The following ETS1 variants were observed in gnomAD, a reference collection of about 807,000 sequenced individuals.
The protein encoded by ETS1 is ETS proto-oncogene 1, transcription factor.
In ETS1, 15 loss-of-function variants were observed where a neutral mutation model predicts 58.6. The observed-to-expected ratio is 0.26, with a 90% confidence interval of 0.17 to 0.39. The LOEUF (loss-of-function observed/expected upper bound fraction) is 0.39. ETS1 is among the 10% of genes least tolerant of loss of function. The pLI is 1.00. For synonymous variants in ETS1, 214 were observed against 218.2 expected (o/e 0.98, Z 0.17); for missense variants, 417 against 610.5 (o/e 0.68, Z 3.34).
rs1864944463 is a variant in ETS1 at position 128,584,938 on chromosome 11, A to AAAAGAAAGAGAAAG, written c.-15+2549_-15+2550insCTTTCTCTTTCTTT. On this transcript the variant is annotated intron_variant, in intron 1 of 9. Transcript: ENST00000392668. ...AGAAAGAAAGAGGAAGAAAAAAGAG[A>AAAAGAAAGAGAAAG]AAAGAAAGAAAGAAAGAAAGAAAGA... Among the ~76,000 whole-genome samples the AAAAGAAAGAGAAAG allele has an allele frequency of 4.8e-5, 3 of 62,598 alleles. 1 individual carries two copies. In the South Asian group the frequency reaches 1.9e-3, roughly 40 times the overall value. 41.1% of individuals were successfully genotyped at this position (62,598 alleles called of 152,430 possible).
chr11:128,520,259 C>CTGTGATCTGAAACATGTGATCTGT (rs1863630521), intron 3 of ETS1, among the ~76,000 whole-genome samples: 2 of 152,194 alleles, frequency 1.3e-5, no homozygotes, highest in Non-Finnish European at 2.9e-5. Flanking sequence ...AAAAAATTGC[C>CTGTGATCTGAAACATGTGATCTGT]TCAGCTGTTC....
chr11:128,586,135 G>C (rs1865027041), intron 1 of ETS1, among the ~76,000 whole-genome samples: 1 of 152,244 alleles, frequency 6.6e-6, no homozygotes, highest in Non-Finnish European at 1.5e-5. Context: ...GAACCAGGAC[G>C]GAAGAGGCTG....
At chr11:128,516,208 G>C (rs1863519358) in intron 3 of ETS1, among the ~76,000 whole-genome samples, 1 of 152,152 alleles carries the variant, frequency 6.6e-6, no homozygotes. Context: ...ATCCACTGAA[G>C]TTTTGAAAAA....
chr11:128,525,029 G>GA lies in ETS1; in HGVS notation c.214+31261dup, dbSNP rs35661968. 7.0e-4 allele frequency among the ~76,000 whole-genome samples: 105 copies of GA among 148,998 alleles called. 1 individual carries two copies. In the East Asian group the frequency reaches 0.011, roughly 16 times the overall value. On this transcript the variant is annotated intron_variant, in intron 3 of 9. Coordinates refer to ENST00000392668, the MANE Select transcript of ETS1 (RefSeq NM_001143820.2). ...CATATCTGGTTTTTAAGGCACTCAG[G>GA]AAAAAAAAAAATCAATCAAATAAAT...
chr11:128,526,997 TG>T, intron 3 of ETS1: 1 of 455,510 alleles, frequency 2.2e-6, no homozygotes, highest in South Asian at 1.6e-5. Context: ...GTTCTCTCCC[TG>T]GCATCTCCTT....
intron 3 of ETS1, among the ~76,000 whole-genome samples, chr11:128,515,533 C>A (rs1398550356): frequency 6.6e-6 from 1 of 152,132 alleles, no homozygotes; most frequent in Non-Finnish European, 1.5e-5. Context: ...ATGGTCTAAA[C>A]CCTGAAATTG....
intron 3 of ETS1, among the ~76,000 whole-genome samples, chr11:128,551,913 A>G (rs952156963): frequency 6.6e-6 from 1 of 152,122 alleles, no homozygotes; most frequent in Non-Finnish European, 1.5e-5. Context: ...GCACCTGAGA[A>G]CTTGTTAGAA....
chr11:128,471,475 T>C (rs1862186052), intron 8 of ETS1, among the ~76,000 whole-genome samples: 1 of 152,252 alleles, frequency 6.6e-6, no homozygotes, highest in Admixed American at 6.5e-5. Flanking sequence ...TCTATTCAAA[T>C]GCAACCACCT....
intron 1 of ETS1, among the ~76,000 whole-genome samples, chr11:128,584,991 G>GAAAGAAAGAAAGA (rs1229787802): frequency 1.7e-4 from 2 of 11,814 alleles, no homozygotes; most frequent in African/African-American, 6.1e-4. Flanking sequence ...AGAAAGAAAG[G>GAAAGAAAGAAAGA]AAGGAAGGAA....
At chr11:128,509,264 CATT>C (rs1863326055) in intron 3 of ETS1, among the ~76,000 whole-genome samples, 1 of 152,216 alleles carries the variant, frequency 6.6e-6, no homozygotes, top group Non-Finnish European at 1.5e-5. Flanking sequence ...CAGAGGTTAA[CATT>C]ATGTCCACCG....
At chr11:128,496,070 T>G (rs1862932539) in intron 3 of ETS1, among the ~76,000 whole-genome samples, 1 of 152,076 alleles carries the variant, frequency 6.6e-6, no homozygotes, top group Non-Finnish European at 1.5e-5. Context: ...TATTTCATTG[T>G]CACAAGGATA....
intron 1 of ETS1, among the ~76,000 whole-genome samples, 174 bp from the exon 2 acceptor site, chr11:128,573,318 A>G (rs1864676671): frequency 6.6e-6 from 1 of 152,206 alleles, no homozygotes; most frequent in African/African-American, 2.4e-5. Context: ...ACTAACCCCC[A>G]GCACCGGTAA....
chr11:128,585,052 G>GAA (rs1182699555), intron 1 of ETS1, among the ~76,000 whole-genome samples: 1 of 19,998 alleles, frequency 5.0e-5, no homozygotes, highest in Non-Finnish European at 8.4e-5. Context: ...AAGAAAGAAA[G>GAA]AAAGAAAGAA....
intron 7 of ETS1, among the ~76,000 whole-genome samples, chr11:128,481,395 GGCAAAAATGCC>G (rs1862481458): frequency 6.7e-6 from 1 of 148,626 alleles, no homozygotes; most frequent in East Asian, 2.0e-4. Flanking sequence ...AATTTCCATT[GGCAAAAATGCC>G]ACTAAAAAGG....
chr11:128,472,869 C>T (rs1261867449), intron 8 of ETS1, among the ~76,000 whole-genome samples: 5 of 152,156 alleles, frequency 3.3e-5, no homozygotes, highest in Admixed American at 3.3e-4. Context: ...CATAGATGCT[C>T]CTTCCGTAAA....
At chr11:128,563,749 G>A (rs569586256) in intron 2 of ETS1, among the ~76,000 whole-genome samples, 6 of 152,244 alleles carry the variant, frequency 3.9e-5, no homozygotes, top group South Asian at 2.1e-4. Context: ...ATTCTCTCCC[G>A]AAGCCCTGCT....
intron 7 of ETS1, among the ~76,000 whole-genome samples, chr11:128,481,485 G>A (rs776012074): frequency 2.0e-4 from 31 of 151,724 alleles, no homozygotes; most frequent in Non-Finnish European, 4.1e-4. Context: ...AAAAAGGCTC[G>A]CAGGAATGGT....
intron 3 of ETS1, among the ~76,000 whole-genome samples, chr11:128,500,698 G>A (rs1863064959): frequency 6.6e-6 from 1 of 152,126 alleles, no homozygotes; most frequent in Non-Finnish European, 1.5e-5. Flanking sequence ...TGAAAAATAA[G>A]AATACGCAAG....
intron 5 of ETS1, among the ~76,000 whole-genome samples, chr11:128,488,621 C>T (rs149440479): frequency 6.6e-6 from 1 of 152,238 alleles, no homozygotes; most frequent in Admixed American, 6.5e-5. Context: ...CACAAAAACA[C>T]CCAAGTTTGC....
Sources: allele counts gnomAD v4.1 joint callset (sites outside exome capture counted in the v4.1 genomes callset), GRCh38; gene constraint gnomAD v4.1.1; transcripts MANE v1.5; gene names NCBI Gene and HGNC (gene_info 2026-07-23, HGNC 2026-07-21).